The following INPP4B variants were observed in gnomAD, a reference collection of about 807,000 sequenced individuals.
The protein encoded by INPP4B is inositol polyphosphate-4-phosphatase type II B.
A neutral mutation model predicts 122.5 loss-of-function variants in INPP4B; 55 were observed. The ratio of observed to expected loss-of-function variants is 0.45; its 90% CI spans 0.36 to 0.56. INPP4B has a LOEUF of 0.56. Ranked by LOEUF, INPP4B falls within the 20% of genes least tolerant of loss-of-function variation. The pLI, the probability that INPP4B is intolerant of heterozygous loss-of-function variation, is 0.00. For synonymous variants in INPP4B, 403 were observed against 388.7 expected (o/e 1.04, Z -0.43); for missense variants, 1,000 against 1,097.7 (o/e 0.91, Z 1.26).
At chr4:142,416,039 A>G (rs987867638) in intron 5 of INPP4B, among the ~76,000 whole-genome samples, 6 of 152,032 alleles carry the variant, frequency 3.9e-5, no homozygotes, top group African/African-American at 1.5e-4. Context: ...GCATTAGGAG[A>G]TATACCTAAT....
In INPP4B at chr4:142,096,695, G is replaced by C. The variant is rs17015529; in HGVS notation, c.2375-10439C>G. Among the ~76,000 whole-genome samples the C allele has an allele frequency of 1.1e-3, 170 of 152,170 alleles. 3 individuals carry two copies. In the East Asian group the frequency reaches 0.031, roughly 27 times the overall value. On this transcript the variant is annotated intron_variant, in intron 23 of 25. Coordinates refer to ENST00000262992, the MANE Select transcript of INPP4B (RefSeq NM_001101669.3). ...AAAACTTCAAAAGATTAGTGCATCA[G>C]AGTTTCTTCTGCAATGAGTTTAAAA...
At chr4:142,637,903 A>G (rs905408385) in intron 2 of INPP4B, among the ~76,000 whole-genome samples, 5 of 152,198 alleles carry the variant, frequency 3.3e-5, no homozygotes, top group African/African-American at 1.2e-4. Flanking sequence ...AAAGGTGTGT[A>G]GTGGTATCTC....
intron 17 of INPP4B, among the ~76,000 whole-genome samples, chr4:142,159,629 TTGTG>T (rs369976265): frequency 6.6e-6 from 1 of 151,758 alleles, no homozygotes; most frequent in Non-Finnish European, 1.5e-5. Flanking sequence ...AGATTTCCCT[TTGTG>T]TGTGTGTGTA....
intron 23 of INPP4B, among the ~76,000 whole-genome samples, chr4:142,103,624 C>A (rs1379881849): frequency 1.3e-5 from 2 of 151,994 alleles, no homozygotes; most frequent in Non-Finnish European, 2.9e-5. Context: ...AGAGGTTTAG[C>A]CTTAATATAG....
At chr4:142,128,235 C>CAT (rs1342379311) in intron 18 of INPP4B, among the ~76,000 whole-genome samples, 2 of 150,998 alleles carry the variant, frequency 1.3e-5, no homozygotes, top group African/African-American at 2.4e-5. Context: ...TGTATATACA[C>CAT]ATATATATAC....
At chr4:142,213,217 A>G (rs1038737483) in intron 12 of INPP4B, among the ~76,000 whole-genome samples, 2 of 152,184 alleles carry the variant, frequency 1.3e-5, no homozygotes, top group Non-Finnish European at 2.9e-5. Context: ...ACTTAGGACA[A>G]ATTGCTGCCC....
rs200657873 is a variant in INPP4B at position 142,215,892 on chromosome 4, C to CAAAAAAAAAAAA, written c.837-6878_837-6867dup. ...TGGGCAACAGACCAAGACTCTGTCTCAAAAAAAAAAAAAAAAAAAAAAAAA... is the reference window on the plus strand; with the variant it reads ...TGGGCAACAGACCAAGACTCTGTCTCAAAAAAAAAAAAAAAAAAAAAAAAAAAAAAAAAAAAA... On this transcript the variant is annotated intron_variant, in intron 12 of 25. Coordinates refer to ENST00000262992, the MANE Select transcript of INPP4B (RefSeq NM_001101669.3). Among the ~76,000 whole-genome samples, 8 of 54,578 alleles carry CAAAAAAAAAAAA rather than the reference C, an allele frequency of 1.5e-4. 1 individual carries two copies. The highest frequency in any genetic ancestry group is 2.6e-4 in the Admixed American group (1 of 3,822). The allele number at this position is 54,578 out of a possible 152,430, so 35.8% of individuals were successfully genotyped here. A position where few individuals can be genotyped will look rare whatever the true frequency, so the allele number is the denominator to read the frequency against.
chr4:142,490,467 T>C (rs930034080), intron 2 of INPP4B, among the ~76,000 whole-genome samples: 3 of 152,162 alleles, frequency 2.0e-5, no homozygotes, highest in African/African-American at 7.2e-5. Flanking sequence ...ATTTATGGTG[T>C]AAAATATGAT....
At chr4:142,385,372 T>TAAA (rs199869287) in intron 7 of INPP4B, among the ~76,000 whole-genome samples, 11 of 145,334 alleles carry the variant, frequency 7.6e-5, no homozygotes, top group South Asian at 2.3e-4. Flanking sequence ...TACTGAACCT[T>TAAA]AAAAAAAAAA....
At chr4:142,357,603 G>T (rs919508555) in intron 7 of INPP4B, among the ~76,000 whole-genome samples, 2 of 151,936 alleles carry the variant, frequency 1.3e-5, no homozygotes, top group Non-Finnish European at 2.9e-5. Flanking sequence ...ATGGGGAGAG[G>T]CCTCATCTTT....
chr4:142,396,900 C>T (rs1374013723), intron 7 of INPP4B, among the ~76,000 whole-genome samples: 2 of 151,788 alleles, frequency 1.3e-5, no homozygotes, highest in Non-Finnish European at 2.9e-5. Context: ...CAAAACAGAT[C>T]TGTAGGAAAG....
At chr4:142,298,135 G>C in intron 9 of INPP4B, among the ~76,000 whole-genome samples, 1 of 152,278 alleles carries the variant, frequency 6.6e-6, no homozygotes, top group South Asian at 2.1e-4. Context: ...AAACAGGAAA[G>C]AAGATTTAGA....
intron 2 of INPP4B, among the ~76,000 whole-genome samples, chr4:142,471,722 G>A (rs1818862897): frequency 6.6e-6 from 1 of 152,130 alleles, no homozygotes; most frequent in African/African-American, 2.4e-5. Flanking sequence ...CTTTGGAGCA[G>A]TGCTCGTGTG....
At chr4:142,090,871 T>C (rs1177117516) in intron 23 of INPP4B, among the ~76,000 whole-genome samples, 9 of 152,106 alleles carry the variant, frequency 5.9e-5, no homozygotes, top group Non-Finnish European at 1.0e-4. Context: ...GTAAAAAGGA[T>C]ACACAAATGC....
At position 142,105,315 on chromosome 4, in the gene INPP4B, TTTAA is replaced by T. The variant is rs762065878; in HGVS notation, c.2374+2774_2374+2777del. On this transcript the variant is annotated intron_variant, in intron 23 of 25. Coordinates refer to ENST00000262992, the MANE Select transcript of INPP4B (RefSeq NM_001101669.3). ...TTGAAAGGGCATGTTGATTGGCAACTTTAATTATCCATTCCCCTATCCGCAATTA... is the reference window on the plus strand; with the variant it reads ...TTGAAAGGGCATGTTGATTGGCAACTTTATCCATTCCCCTATCCGCAATTA... 2.0e-5 allele frequency among the ~76,000 whole-genome samples: 3 copies of T among 152,232 alleles called. No individual in the cohort carries two copies. In the East Asian group the frequency reaches 5.8e-4, roughly 29 times the overall value.
intron 15 of INPP4B, among the ~76,000 whole-genome samples, chr4:142,181,655 A>C (rs180792649): frequency 5.9e-5 from 9 of 152,280 alleles, no homozygotes; most frequent in Admixed American, 5.9e-4. Flanking sequence ...ATTCATTCAA[A>C]ATGCTTATAA....
intron 14 of INPP4B, among the ~76,000 whole-genome samples, 152 bp downstream of exon 14, chr4:142,208,271 CTT>C (rs1341582835): frequency 6.6e-6 from 1 of 152,076 alleles, no homozygotes; most frequent in African/African-American, 2.4e-5. Context: ...ATCATAGTCT[CTT>C]TAACAGAATT....
chr4:142,501,563 A>T (rs1823377046), intron 2 of INPP4B, among the ~76,000 whole-genome samples: 1 of 152,054 alleles, frequency 6.6e-6, no homozygotes, highest in Admixed American at 6.6e-5. Flanking sequence ...TGAGGAAAAA[A>T]ATAAAAGATT....
rs143363901 is a variant in INPP4B, at chr4:142,136,649, T to G, written c.1720+9191A>C. Among the ~76,000 whole-genome samples the G allele has an allele frequency of 3.2e-3, 491 of 152,242 alleles. 3 individuals are homozygous for G. The highest frequency in any genetic ancestry group is 0.011 in the African/African-American group (444 of 41,546). On this transcript the variant is annotated intron_variant, in intron 18 of 25. Coordinates refer to ENST00000262992, the MANE Select transcript of INPP4B (RefSeq NM_001101669.3). ...GGTGAGGTGGAAGGAGATGTCAAAGTGCCTTGAAGTGGCAGGTAGGGGTAA... is the reference window on the plus strand; with the variant it reads ...GGTGAGGTGGAAGGAGATGTCAAAGGGCCTTGAAGTGGCAGGTAGGGGTAA...
Sources: allele counts gnomAD v4.1 joint callset (sites outside exome capture counted in the v4.1 genomes callset), GRCh38; gene constraint gnomAD v4.1.1; transcripts MANE v1.5; gene names NCBI Gene and HGNC (gene_info 2026-07-23, HGNC 2026-07-21).